The following CIT variants were observed in gnomAD, a reference collection of about 807,000 sequenced individuals.
The protein encoded by CIT is citron rho-interacting serine/threonine kinase, also known as citron Rho-interacting kinase.
CIT carries 79 observed loss-of-function variants against 272.7 expected under a neutral mutation model. That is an observed-to-expected ratio of 0.29 (90% CI 0.24 to 0.35). CIT has a LOEUF of 0.35. Among genes scored for constraint, CIT ranks in the 10% least tolerant of loss-of-function variants. The pLI is 1.00. For missense variants in CIT, 1,909 were observed against 2,618.3 expected (o/e 0.73, Z 5.91); for synonymous variants, 948 against 995.6 (o/e 0.95, Z 0.90).
chr12:119,759,314 C>T (rs912724932), intron 20 of CIT, among the ~76,000 whole-genome samples: 1 of 152,198 alleles, frequency 6.6e-6, no homozygotes, highest in Non-Finnish European at 1.5e-5. Flanking sequence ...TCATGACCTG[C>T]GCAAGCGAGG....
intron 4 of CIT, among the ~76,000 whole-genome samples, chr12:119,852,100 T>G (rs1366892802): frequency 6.6e-6 from 1 of 152,120 alleles, no homozygotes; most frequent in Non-Finnish European, 1.5e-5. Context: ...AAGGCATAAC[T>G]GACACCACCT....
In CIT at chr12:119,742,417, G is replaced by T; in HGVS notation, c.2952C>A (p.Ser984Arg). The stretch of plus-strand genomic sequence containing the variant: ...TTGGGTAATTAATACTCACAGTACA[G>T]CTGTTACGAAGAGCATCAAATTTGC... ...IQRKFDALRN[S>R]CTVITDLEEQ... The change falls in exon 24 of 48, where the codon AGC becomes AGA. Residue 984 changes from serine to arginine, a missense_variant. This residue lies in a region of CIT where 530 missense variants were observed against 822.4 expected (regional missense o/e 0.64). Coordinates refer to ENST00000392521, the MANE Select transcript of CIT (RefSeq NM_001206999.2). The T allele has an allele frequency of 6.2e-7, 1 of 1,608,988 alleles. No individual in the cohort carries two copies. Among genetic ancestry groups the T allele is most frequent in the Non-Finnish European group, 8.5e-7 (1 of 1,177,808 alleles).
chr12:119,825,053 G>A (rs1001603620), intron 8 of CIT, 112 bp downstream of exon 8: 161 of 830,948 alleles, frequency 1.9e-4, no homozygotes, highest in Non-Finnish European at 2.7e-4. Flanking sequence ...ACCCACCTCG[G>A]CCTCCCAAAG....
chr12:119,804,398 G>A lies in CIT; in HGVS notation c.1112-1009C>T. ...AGCCGAGCATCACATCCCCCGCAGT[G>A]CAGGCTGCATGCTCCCGGCTCCGTG... is the stretch of plus-strand genomic sequence containing the variant. On this transcript the variant is annotated intron_variant, in intron 9 of 47. Coordinates refer to ENST00000392521, the MANE Select transcript of CIT (RefSeq NM_001206999.2). This position sits in a 1 kb window ranked among gnomAD's most constrained non-coding sequence, Gnocchi z 5.3. The A allele has an allele frequency of 1.0e-6, 1 of 985,662 alleles. No individual in the cohort carries two copies. The allele number at this position is 985,662 out of a possible 1,614,324, so 61.1% of individuals were successfully genotyped here. A position where few individuals can be genotyped will look rare whatever the true frequency, so the allele number is the denominator to read the frequency against.
At chr12:119,790,513 G>A (rs544871746) in intron 10 of CIT, among the ~76,000 whole-genome samples, 7 of 152,132 alleles carry the variant, frequency 4.6e-5, no homozygotes, top group Non-Finnish European at 8.8e-5. Context: ...TTTTTCCTTT[G>A]TTCTCAAAAT....
At chr12:119,779,966 A>T (rs1964134557) in intron 13 of CIT, among the ~76,000 whole-genome samples, 1 of 152,190 alleles carries the variant, frequency 6.6e-6, no homozygotes, top group Admixed American at 6.5e-5. Flanking sequence ...GCTGAGAGAG[A>T]GCTGTGGTAT....
chr12:119,732,295 G>A (rs1277599885), intron 26 of CIT, among the ~76,000 whole-genome samples: 2 of 152,242 alleles, frequency 1.3e-5, no homozygotes, highest in Non-Finnish European at 2.9e-5. Context: ...ACTAATGCTA[G>A]TCTTCCTGAG....
chr12:119,874,511 T>A (rs565749650), intron 2 of CIT, among the ~76,000 whole-genome samples: 2 of 152,188 alleles, frequency 1.3e-5, no homozygotes, highest in Non-Finnish European at 2.9e-5. Context: ...CAAGGATTTC[T>A]ACTTCACCAG....
Position 119,735,390 on chromosome 12 carries a change from A to G in CIT, c.2959-33T>C, listed in dbSNP as rs1958696081. 2.5e-6 allele frequency: 4 copies of G among 1,601,360 alleles called. No homozygotes were observed. In the East Asian group the frequency reaches 8.9e-5, roughly 36 times the overall value. Reference sequence around the variant, plus strand: ...AGGAAAGGAATCCAGTTACACGCCAAGCACATTCATTTCAAATAAGAAATT... The same window carrying G: ...AGGAAAGGAATCCAGTTACACGCCAGGCACATTCATTTCAAATAAGAAATT... On this transcript the variant is annotated intron_variant, in intron 24 of 47. Transcript: ENST00000392521.
chr12:119,725,520 C>T (rs1398367535), intron 28 of CIT, among the ~76,000 whole-genome samples: 1 of 152,208 alleles, frequency 6.6e-6, no homozygotes, highest in Non-Finnish European at 1.5e-5. Context: ...ATACAGCACA[C>T]ACCAACCAGG....
At chr12:119,787,832 T>C (rs915353641) in intron 10 of CIT, among the ~76,000 whole-genome samples, 4 of 151,916 alleles carry the variant, frequency 2.6e-5, no homozygotes, top group Non-Finnish European at 4.4e-5. Context: ...GTTTCCTCAA[T>C]TGTAAAATGG....
At chr12:119,727,452 G>C (rs914019406) in intron 28 of CIT, among the ~76,000 whole-genome samples, 1 of 152,154 alleles carries the variant, frequency 6.6e-6, no homozygotes, top group Non-Finnish European at 1.5e-5. Flanking sequence ...GATTCAGAAG[G>C]GGGAAGGCGA....
At chr12:119,805,996 AT>A (rs1966578695) in intron 9 of CIT, among the ~76,000 whole-genome samples, 1 of 152,020 alleles carries the variant, frequency 6.6e-6, no homozygotes, top group African/African-American at 2.4e-5. Context: ...AATTAGCCAG[AT>A]GTGATGGTGC....
At chr12:119,725,529 G>A (rs1475560831) in intron 28 of CIT, among the ~76,000 whole-genome samples, 1 of 152,224 alleles carries the variant, frequency 6.6e-6, no homozygotes, top group Non-Finnish European at 1.5e-5. Flanking sequence ...ACACCAACCA[G>A]GAGGCCCAAT....
intron 13 of CIT, among the ~76,000 whole-genome samples, chr12:119,781,825 C>T (rs966439246): frequency 6.6e-6 from 1 of 152,188 alleles, no homozygotes; most frequent in Non-Finnish European, 1.5e-5. Flanking sequence ...GTAAGTAAAA[C>T]TATGAATTAG....
At chr12:119,743,367 C>T (rs138694322) in intron 23 of CIT, among the ~76,000 whole-genome samples, 46 of 152,130 alleles carry the variant, frequency 3.0e-4, no homozygotes, top group African/African-American at 9.9e-4. Flanking sequence ...GGACAGGAGA[C>T]GGCAGAGGGA....
Position 119,710,528 on chromosome 12 carries a change from T to A in CIT, c.4935+12A>T. On this transcript the variant is annotated intron_variant, in intron 38 of 47. Transcript: ENST00000392521. This position sits in a 1 kb window ranked among gnomAD's most constrained non-coding sequence, Gnocchi z 5.6. ...ACCAGACACCAGCTGGCCGTGCCCA[T>A]GCAAGCATTACCTGGTCACTGAAGG... is the stretch of plus-strand genomic sequence containing the variant. 1 of 1,614,074 alleles carries A rather than the reference T, an allele frequency of 6.2e-7. No homozygotes were observed. Among genetic ancestry groups the A allele is most frequent in the Non-Finnish European group, 8.5e-7 (1 of 1,179,902 alleles).
In CIT at chr12:119,857,678, A is replaced by T; in HGVS notation, c.259T>A (p.Leu87Ile). Reference protein sequence around the residue: ...VRKYSDTIAELQELQPSAKDF... With the variant: ...VRKYSDTIAEIQELQPSAKDF... ...TTTGCCGAAGGCTGGAGCTCCTGTA[A>T]CTCAGCTATGGTGTCGGAATCTGCA... is the stretch of plus-strand genomic sequence containing the variant. Residue 87 changes from leucine (L) to isoleucine (I), a missense_variant, in exon 4 of 48, where the codon TTA (leucine) becomes ATA (isoleucine). Physicochemically the swap from Leu to Ile is conservative, Grantham distance 5. Around this residue, in one of 8 missense-constraint regions of CIT, gnomAD observed 529 missense variants for 549.6 expected, o/e 0.96. Transcript: ENST00000392521. 1 of 1,614,064 alleles carries T rather than the reference A, an allele frequency of 6.2e-7. No homozygotes were observed. The highest frequency in any genetic ancestry group is 8.5e-7 in the Non-Finnish European group (1 of 1,180,008).
intron 9 of CIT, among the ~76,000 whole-genome samples, chr12:119,817,402 C>T (rs1967290299): frequency 6.6e-6 from 1 of 151,986 alleles, no homozygotes; most frequent in Non-Finnish European, 1.5e-5. Flanking sequence ...GTCCCAGCTA[C>T]TCGGGAGGCT....
Sources: gnomAD v4.1 joint callset for allele counts (sites outside exome capture counted in the v4.1 genomes callset) on GRCh38, gnomAD v4.1.1 for gene constraint, gnomAD v4.1.1 regional missense constraint, Gnocchi (gnomAD v3.1) non-coding constraint, MANE v1.5 for transcripts, NCBI Gene and HGNC (gene_info 2026-07-23, HGNC 2026-07-21) for gene names.